AHCYL2: variants seen among roughly 807,000 people sequenced by gnomAD.
The protein encoded by AHCYL2 is adenosylhomocysteinase like 2.
Under a neutral mutation model 81.4 loss-of-function variants are expected in AHCYL2, and 28 were observed. That is an observed-to-expected ratio of 0.34 (90% CI 0.25 to 0.47). The LOEUF (loss-of-function observed/expected upper bound fraction) is 0.47, where lower values mean the gene tolerates loss of function less well. Among genes scored for constraint, AHCYL2 ranks in the 20% least tolerant of loss-of-function variants. The pLI is 1.00. For synonymous variants in AHCYL2, 272 were observed against 290.2 expected (o/e 0.94, Z 0.64); for missense variants, 551 against 785.1 (o/e 0.70, Z 3.56).
intron 1 of AHCYL2, among the ~76,000 whole-genome samples, chr7:129,256,559 C>CT (rs1384537141): frequency 7.2e-6 from 1 of 138,312 alleles, no homozygotes; most frequent in Non-Finnish European, 1.6e-5. Context: ...ACCCCCCCCC[C>CT]GCCTTAATCT....
intron 1 of AHCYL2, among the ~76,000 whole-genome samples, chr7:129,268,677 T>C (rs1044704934): frequency 7.9e-5 from 12 of 152,208 alleles, no homozygotes; most frequent in Non-Finnish European, 5.9e-5. Context: ...GGAACGACAT[T>C]AATGCTGTGG....
At chr7:129,292,026 A>T (rs1159213330) in intron 1 of AHCYL2, among the ~76,000 whole-genome samples, 1 of 152,104 alleles carries the variant, frequency 6.6e-6, no homozygotes, top group Non-Finnish European at 1.5e-5. Flanking sequence ...ATTAAGACAA[A>T]CAATTATGAA....
chr7:129,424,699 A>G (rs1797277219), intron 13 of AHCYL2, 175 bp from the exon 14 acceptor site: 1 of 629,922 alleles, frequency 1.6e-6, no homozygotes, highest in African/African-American at 1.8e-5. Context: ...CCAGAATTTT[A>G]GTGGTTTCAT....
intron 1 of AHCYL2, among the ~76,000 whole-genome samples, chr7:129,297,329 G>C (rs1015067782): frequency 6.6e-6 from 1 of 152,094 alleles, no homozygotes; most frequent in African/African-American, 2.4e-5. Flanking sequence ...TCTTAGGACC[G>C]GGCTGAGTTG....
chr7:129,368,086 G>A lies in AHCYL2; in HGVS notation c.364-11552G>A, dbSNP rs1794192307. The stretch of plus-strand genomic sequence containing the variant: ...CGCACCTCCAGTGACGTGTCCTGAA[G>A]GGTGGGAGAGAATTCACAAGTGCCT... On this transcript the variant is annotated intron_variant, in intron 1 of 16. Transcript: ENST00000325006. The surrounding 1 kb of genome is among the most constrained non-coding windows in gnomAD (Gnocchi z 4.4). 2.0e-6 allele frequency: 2 copies of A among 1,003,630 alleles called. No individual in the cohort carries two copies. Among genetic ancestry groups the A allele is most frequent in the South Asian group, 4.4e-5 (1 of 22,518 alleles). The allele number at this position is 1,003,630 out of a possible 1,614,324, so 62.2% of individuals were successfully genotyped here. A position where few individuals can be genotyped will look rare whatever the true frequency, so the allele number is the denominator to read the frequency against.
At chr7:129,239,383 A>T (rs908237449) in intron 1 of AHCYL2, among the ~76,000 whole-genome samples, 3 of 151,850 alleles carry the variant, frequency 2.0e-5, no homozygotes, top group African/African-American at 7.3e-5. Flanking sequence ...TGTTGAGTAG[A>T]TGTTGGCTTA....
chr7:129,376,000 C>A (rs977750571), intron 1 of AHCYL2: 1 of 1,513,364 alleles, frequency 6.6e-7, no homozygotes, highest in Non-Finnish European at 8.9e-7. Flanking sequence ...TGCTTATACT[C>A]TTTTTCCCCT....
intron 1 of AHCYL2, among the ~76,000 whole-genome samples, chr7:129,252,716 A>G (rs939217741): frequency 6.6e-5 from 10 of 152,140 alleles, no homozygotes; most frequent in Admixed American, 2.0e-4. Context: ...GCAGTGAGCT[A>G]TGATCGTGCC....
At chr7:129,249,260 A>C (rs536705800) in intron 1 of AHCYL2, among the ~76,000 whole-genome samples, 1 of 152,238 alleles carries the variant, frequency 6.6e-6, no homozygotes, top group African/African-American at 2.4e-5. Context: ...GGCCTCCCAA[A>C]GTGCTGGGAT....
intron 1 of AHCYL2, among the ~76,000 whole-genome samples, chr7:129,352,827 C>T (rs1793611645): frequency 6.6e-6 from 1 of 151,698 alleles, no homozygotes; most frequent in Admixed American, 6.6e-5. Flanking sequence ...GAAATTATTT[C>T]ATGTCACTCC....
At chr7:129,360,920 A>G (rs932600626) in intron 1 of AHCYL2, among the ~76,000 whole-genome samples, 1 of 152,214 alleles carries the variant, frequency 6.6e-6, no homozygotes, top group Non-Finnish European at 1.5e-5. Flanking sequence ...TATGGCATGT[A>G]TAAATGAATT....
At chr7:129,352,426 C>T (rs995752432) in intron 1 of AHCYL2, among the ~76,000 whole-genome samples, 7 of 152,128 alleles carry the variant, frequency 4.6e-5, no homozygotes, top group African/African-American at 1.2e-4. Flanking sequence ...TCTCACTCTA[C>T]CTATCTATAT....
chr7:129,247,316 C>T (rs1356609443), intron 1 of AHCYL2, among the ~76,000 whole-genome samples: 1 of 152,190 alleles, frequency 6.6e-6, no homozygotes, highest in African/African-American at 2.4e-5. Context: ...TGTGTTTCCT[C>T]ATGACTAATG....
chr7:129,285,920 C>T (rs1177639217), intron 1 of AHCYL2, among the ~76,000 whole-genome samples: 1 of 151,826 alleles, frequency 6.6e-6, no homozygotes, highest in East Asian at 1.9e-4. Context: ...CTTTGTTGCC[C>T]AAGCTGGTCT....
chr7:129,241,095 A>C (rs1794836384), intron 1 of AHCYL2, among the ~76,000 whole-genome samples: 1 of 152,200 alleles, frequency 6.6e-6, no homozygotes, highest in African/African-American at 2.4e-5. Flanking sequence ...CTCGGGCAGC[A>C]TCTTCTGAGA....
At chr7:129,403,554 T>C in intron 7 of AHCYL2, 69 bp downstream of exon 7, 1 of 1,121,174 alleles carries the variant, frequency 8.9e-7, no homozygotes, top group Non-Finnish European at 1.2e-6. Context: ...CACATACCTA[T>C]AAAACACATG....
intron 1 of AHCYL2, among the ~76,000 whole-genome samples, chr7:129,278,918 A>ATCT (rs774460055): frequency 2.0e-5 from 3 of 151,958 alleles, no homozygotes; most frequent in Non-Finnish European, 4.4e-5. Context: ...TGTTCCATTG[A>ATCT]TCTGTTTGTC....
intron 5 of AHCYL2, among the ~76,000 whole-genome samples, chr7:129,399,158 A>G (rs1415920373): frequency 1.4e-5 from 2 of 146,874 alleles, no homozygotes; most frequent in Non-Finnish European, 3.0e-5. Flanking sequence ...AAAAAAAAAA[A>G]AAAAAAGAGG....
chr7:129,386,403 C>G (rs932173953), intron 2 of AHCYL2, among the ~76,000 whole-genome samples: 3 of 151,288 alleles, frequency 2.0e-5, no homozygotes, highest in Non-Finnish European at 4.4e-5. Flanking sequence ...GCGGAGGTTG[C>G]AGTGAGCTGA....
Sources: allele counts gnomAD v4.1 joint callset (sites outside exome capture counted in the v4.1 genomes callset), GRCh38; gene constraint gnomAD v4.1.1; non-coding constraint Gnocchi (gnomAD v3.1); transcripts MANE v1.5; gene names NCBI Gene and HGNC (gene_info 2026-07-23, HGNC 2026-07-21).